Variants in SLC15A2 observed in about 807,000 individuals in gnomAD.
SLC15A2 encodes the protein solute carrier family 15 member 2.
Under a neutral mutation model 95.5 loss-of-function variants are expected in SLC15A2, and 77 were observed. That is an observed-to-expected ratio of 0.81 (90% CI 0.67 to 0.97). SLC15A2 has a LOEUF of 0.97. Among genes scored for constraint, SLC15A2 ranks in the 50% least tolerant of loss-of-function variants. The pLI is 0.00. For synonymous variants in SLC15A2, 306 were observed against 306.9 expected (o/e 1.00, Z 0.03); for missense variants, 893 against 874.4 (o/e 1.02, Z -0.27).
At chr3:121,913,596 A>T (rs1190498504) in intron 5 of SLC15A2, among the ~76,000 whole-genome samples, 1 of 152,226 alleles carries the variant, frequency 6.6e-6, no homozygotes, top group African/African-American at 2.4e-5. Flanking sequence ...AGTAGTATAG[A>T]GATGATTTTA....
intron 3 of SLC15A2, among the ~76,000 whole-genome samples, chr3:121,899,756 C>G (rs1315546290): frequency 6.6e-6 from 1 of 152,108 alleles, no homozygotes; most frequent in Non-Finnish European, 1.5e-5. Flanking sequence ...TCATATTGTT[C>G]ATATTCAAAT....
At chr3:121,940,600 C>G in intron 21 of SLC15A2, 112 bp downstream of exon 21, 2 of 960,306 alleles carry the variant, frequency 2.1e-6, no homozygotes, top group South Asian at 2.9e-5. Context: ...AGTGCTGTGA[C>G]ATGAAATGGG....
chr3:121,919,465 T>G (rs28481518), intron 7 of SLC15A2, among the ~76,000 whole-genome samples: 1 of 151,940 alleles, frequency 6.6e-6, no homozygotes, highest in African/African-American at 2.4e-5. Context: ...TTAGTGTGGG[T>G]TTTTTATGGG....
chr3:121,897,526 T>G lies in SLC15A2; in HGVS notation c.332T>G (p.Phe111Cys). 1 of 1,613,952 alleles carries G rather than the reference T, an allele frequency of 6.2e-7. No individual in the cohort carries two copies. The change falls in exon 3 of 22, where the codon TTC becomes TGC. Residue 111 changes from phenylalanine to cysteine, a missense_variant. Transcript: ENST00000489711. ...AAIADSWLGK[F>C]KTIIYLSLVY... ...ATTGCTGACTCGTGGTTGGGAAAAT[T>G]CAAGTAAGGAAGATGGGAGGTCACA...
chr3:121,928,305 A>T lies in SLC15A2; in HGVS notation c.1207-116A>T, dbSNP rs73855477. The T allele has an allele frequency of 1.4e-3, 1,768 of 1,289,844 alleles. 15 individuals carry two copies. The African/African-American group carries it at 0.022, about 16-fold the overall frequency. The allele number at this position is 1,289,844 out of a possible 1,614,324, so 79.9% of individuals were successfully genotyped here. A position where few individuals can be genotyped will look rare whatever the true frequency, so the allele number is the denominator to read the frequency against. ...TAAGCCAAATATTTTTCAGAGGGAG[A>T]AAACTATGTCTACTTGGCTAGTGGA... On this transcript the variant is annotated intron_variant, in intron 14 of 21. Coordinates refer to ENST00000489711, the MANE Select transcript of SLC15A2 (RefSeq NM_021082.4).
At chr3:121,940,614 G>A in intron 21 of SLC15A2, 126 bp downstream of exon 21, 1 of 881,712 alleles carries the variant, frequency 1.1e-6, no homozygotes, top group Non-Finnish European at 1.8e-6. Context: ...AAATGGGTTA[G>A]ATATACAGAC....
rs1486261869 is a variant in SLC15A2 at position 121,941,548 on chromosome 3, G to A, written c.*541G>A. The A allele has an allele frequency of 6.6e-6, 1 of 152,110 alleles. No homozygotes were observed. The highest frequency in any genetic ancestry group is 1.9e-4 in the East Asian group (1 of 5,192). 9.4% of individuals were successfully genotyped at this position (152,110 alleles called of 1,614,324 possible). On this transcript the variant is annotated 3_prime_UTR_variant, in exon 22 of 22. Transcript: ENST00000489711. ...GCTCTCTAGGTTTGATATGACTTTAGTAAATTTGTCAATATAGATGGTAGG... is the reference window on the plus strand; with the variant it reads ...GCTCTCTAGGTTTGATATGACTTTAATAAATTTGTCAATATAGATGGTAGG...
At chr3:121,900,570 G>A (rs1488527265) in intron 3 of SLC15A2, among the ~76,000 whole-genome samples, 1 of 152,094 alleles carries the variant, frequency 6.6e-6, no homozygotes, top group East Asian at 1.9e-4. Flanking sequence ...TGTGCTTACT[G>A]TCATACTTAT....
chr3:121,931,547 A>G (rs1710232611), intron 18 of SLC15A2, 92 bp from the exon 19 acceptor site: 1 of 718,990 alleles, frequency 1.4e-6, no homozygotes, highest in South Asian at 1.8e-5. Context: ...TTTCCTCACC[A>G]TCAGTAGAGA....
At chr3:121,924,316 G>A (rs2293611) in intron 11 of SLC15A2, 35 bp from the exon 12 acceptor site, 5 of 1,591,616 alleles carry the variant, frequency 3.1e-6, no homozygotes, top group Admixed American at 3.4e-5. Flanking sequence ...CTTTTCTTCA[G>A]ACATCAACTA....
chr3:121,923,178 C>T (rs778430259), intron 10 of SLC15A2, 44 bp from the exon 11 acceptor site: 1 of 1,611,898 alleles, frequency 6.2e-7, no homozygotes. Flanking sequence ...CCACTTCCCT[C>T]TCACAGGAAA....
chr3:121,904,317 C>A (rs1559840728), intron 3 of SLC15A2, among the ~76,000 whole-genome samples: 1 of 152,194 alleles, frequency 6.6e-6, no homozygotes, highest in Non-Finnish European at 1.5e-5. Flanking sequence ...TTGACTTCCT[C>A]TTTTCCTAAT....
At position 121,915,613 on chromosome 3, in the gene SLC15A2, T is replaced by C. The variant is rs1709878729; in HGVS notation, c.620-3T>C. 2 of 1,611,364 alleles carry C rather than the reference T, an allele frequency of 1.2e-6. No homozygotes were observed. Among genetic ancestry groups the C allele is most frequent in the Non-Finnish European group, 1.7e-6 (2 of 1,177,468 alleles). On this transcript the variant is annotated splice_polypyrimidine_tract_variant and splice_region_variant and intron_variant, in intron 6 of 21. Coordinates refer to ENST00000489711, the MANE Select transcript of SLC15A2 (RefSeq NM_021082.4). Reference sequence around the variant, plus strand: ...TTTCCTCCTCCCATCCCATTTTCTTTAGGAGATGTGCAATGTTTTGGAGAA... The same window carrying C: ...TTTCCTCCTCCCATCCCATTTTCTTCAGGAGATGTGCAATGTTTTGGAGAA...
chr3:121,916,908 C>T (rs1709905133), intron 7 of SLC15A2, among the ~76,000 whole-genome samples: 2 of 152,078 alleles, frequency 1.3e-5, no homozygotes, highest in Non-Finnish European at 1.5e-5. Context: ...GCAAGCTCCA[C>T]GTCCCGGGTT....
At position 121,943,315 on chromosome 3, in the gene SLC15A2, G is replaced by A. The variant is rs547552360; in HGVS notation, c.*2308G>A. On this transcript the variant is annotated 3_prime_UTR_variant, in exon 22 of 22. Transcript: ENST00000489711. ...ATACCCCCTTTTTCATGTGGCAGAT[G>A]TTTAGCTATTTGGGGAGAACTTTCA... The A allele has an allele frequency of 2.6e-5, 4 of 151,926 alleles. No individual in the cohort carries two copies. The highest frequency in any genetic ancestry group is 4.2e-4 in the South Asian group (2 of 4,804). 9.4% of individuals were successfully genotyped at this position (151,926 alleles called of 1,614,324 possible).
intron 21 of SLC15A2, 116 bp from the exon 22 acceptor site, chr3:121,940,715 A>C (rs1447315484): frequency 4.4e-6 from 5 of 1,142,362 alleles, no homozygotes; most frequent in Non-Finnish European, 6.2e-6. Context: ...TTTGTCCAGC[A>C]AAAGTCTGGT....
rs76077653 is a variant in SLC15A2, at chr3:121,924,719, G to T, written c.1036-226G>T. ...CACAATAAGGCTGGCAGAAAGACAG[G>T]CTCAGAGTGAAACTTGTCCCTTGGG... On this transcript the variant is annotated intron_variant, in intron 12 of 21. Coordinates refer to ENST00000489711, the MANE Select transcript of SLC15A2 (RefSeq NM_021082.4). 1.1e-4 allele frequency among the ~76,000 whole-genome samples: 17 copies of T among 152,322 alleles called. No homozygotes were observed. In the East Asian group the frequency reaches 3.3e-3, roughly 29 times the overall value.
intron 19 of SLC15A2, among the ~76,000 whole-genome samples, chr3:121,937,919 A>T (rs1576694165): frequency 6.6e-6 from 1 of 151,232 alleles, no homozygotes; most frequent in Non-Finnish European, 1.5e-5. Context: ...GTCTTTGATG[A>T]TGGTGATGTA....
At chr3:121,903,266 G>A (rs1319909512) in intron 3 of SLC15A2, among the ~76,000 whole-genome samples, 2 of 152,148 alleles carry the variant, frequency 1.3e-5, no homozygotes, top group Non-Finnish European at 2.9e-5. Flanking sequence ...TGTCAGATGG[G>A]TAGATTGCAA....
Sources: gnomAD v4.1 joint callset for allele counts (sites outside exome capture counted in the v4.1 genomes callset) on GRCh38, gnomAD v4.1.1 for gene constraint, MANE v1.5 for transcripts, NCBI Gene and HGNC (gene_info 2026-07-23, HGNC 2026-07-21) for gene names.